Variants in PCDHA9 observed in about 807,000 individuals in gnomAD.
PCDHA9 encodes the protein protocadherin alpha-9.
Under a neutral mutation model 62.0 loss-of-function variants are expected in PCDHA9, and 62 were observed. The ratio of observed to expected loss-of-function variants is 1.00; its 90% CI spans 0.81 to 1.23. PCDHA9 has a LOEUF of 1.23. Among genes scored for constraint, PCDHA9 ranks in the 50% most tolerant of loss-of-function variants. The probability of loss-of-function intolerance (pLI) is 0.00; values close to 1 mark genes in which losing one functional copy is unlikely to be tolerated. For missense variants in PCDHA9, 1,205 were observed against 1,249.8 expected (o/e 0.96, Z 0.54); for synonymous variants, 557 against 567.6 (o/e 0.98, Z 0.27).
intron 1 of PCDHA9, among the ~76,000 whole-genome samples, chr5:140,956,438 G>A (rs891696288): frequency 1.3e-5 from 2 of 152,154 alleles, no homozygotes; most frequent in Non-Finnish European, 2.9e-5. Context: ...TTCTGCTTAT[G>A]TGATGAATTA....
intron 1 of PCDHA9, chr5:140,863,731 A>G (rs1249998987): frequency 1.2e-5 from 3 of 259,294 alleles, no homozygotes; most frequent in Non-Finnish European, 2.3e-5. Context: ...GCGGTAGCTC[A>G]TGCCTATTTG....
At chr5:140,999,138 C>T (rs530740266) in intron 3 of PCDHA9, among the ~76,000 whole-genome samples, 1 of 152,140 alleles carries the variant, frequency 6.6e-6, no homozygotes, top group Non-Finnish European at 1.5e-5. Flanking sequence ...AATGTCACAG[C>T]CGGAAGTCTT....
intron 1 of PCDHA9, among the ~76,000 whole-genome samples, chr5:140,915,441 A>G (rs2077120331): frequency 6.6e-6 from 1 of 152,052 alleles, no homozygotes; most frequent in African/African-American, 2.4e-5. Context: ...GTCCTTCTTG[A>G]GAAGGTTTTC....
At chr5:140,967,792 A>G (rs371669028) in intron 1 of PCDHA9, 4 of 1,614,212 alleles carry the variant, frequency 2.5e-6, no homozygotes, top group Non-Finnish European at 3.4e-6. Context: ...ACCGGGGTCC[A>G]GTGCCCATGG....
chr5:140,980,313 C>G (rs904282752), intron 2 of PCDHA9, among the ~76,000 whole-genome samples: 7 of 152,166 alleles, frequency 4.6e-5, no homozygotes, highest in Admixed American at 3.9e-4. Context: ...GCCTTAAAAA[C>G]TACATTTGAA....
At chr5:140,949,694 G>C (rs1447787366) in intron 1 of PCDHA9, among the ~76,000 whole-genome samples, 1 of 151,590 alleles carries the variant, frequency 6.6e-6, no homozygotes, top group Non-Finnish European at 1.5e-5. Context: ...CGTATTGTTG[G>C]ATCTTGCTGT....
chr5:140,987,040 C>G (rs916995346), intron 3 of PCDHA9, among the ~76,000 whole-genome samples: 1 of 151,880 alleles, frequency 6.6e-6, no homozygotes, highest in Non-Finnish European at 1.5e-5. Flanking sequence ...ATGGCGAAAC[C>G]CCATCTCTAC....
intron 1 of PCDHA9, chr5:140,968,040 G>A: frequency 1.2e-6 from 2 of 1,614,162 alleles, no homozygotes; most frequent in African/African-American, 1.3e-5. Context: ...GTGGTGAGCG[G>A]CCCACTGGAC....
intron 1 of PCDHA9, among the ~76,000 whole-genome samples, chr5:140,899,512 G>C (rs4386771): frequency 0.046 from 7,065 of 152,150 alleles, 285 homozygotes; most frequent in African/African-American, 0.11. Flanking sequence ...TGCATATATT[G>C]CATCCCAGGG....
At chr5:140,909,972 T>C (rs948733470) in intron 1 of PCDHA9, among the ~76,000 whole-genome samples, 1 of 152,220 alleles carries the variant, frequency 6.6e-6, no homozygotes. Context: ...TGGGGAAGGA[T>C]GGGAGAAAGA....
chr5:140,946,631 T>TATATATATATATAC (rs57893927), intron 1 of PCDHA9, among the ~76,000 whole-genome samples: 2,707 of 131,678 alleles, frequency 0.021, 122 homozygotes, highest in African/African-American at 0.036. Flanking sequence ...TATATATATA[T>TATATATATATATAC]ACAATGGAAT....
At chr5:140,885,157 C>G (rs2060491561) in intron 1 of PCDHA9, among the ~76,000 whole-genome samples, 1 of 151,962 alleles carries the variant, frequency 6.6e-6, no homozygotes, top group African/African-American at 2.4e-5. Context: ...TTGATTGTCT[C>G]TACTTTTTTG....
chr5:140,934,511 T>G (rs999288213), intron 1 of PCDHA9, among the ~76,000 whole-genome samples: 1 of 152,210 alleles, frequency 6.6e-6, no homozygotes. Context: ...AAAGGGTCCA[T>G]AGACCACACT....
chr5:140,879,097 G>T (rs2057851255), intron 1 of PCDHA9, among the ~76,000 whole-genome samples: 1 of 152,214 alleles, frequency 6.6e-6, no homozygotes, highest in Non-Finnish European at 1.5e-5. Flanking sequence ...CAACTGCACA[G>T]TATATGGTGT....
At position 140,853,718 on chromosome 5, in the gene PCDHA9, C is replaced by T. The variant is rs1472931739; in HGVS notation, c.2394+2829C>T. ...TGCTAACGCATTAGCATTAGCAGCA[C>T]CTAAGTCCTCATTGAATGTTCTGGT... is the stretch of plus-strand genomic sequence containing the variant. On this transcript the variant is annotated intron_variant, in intron 1 of 3. Transcript: ENST00000532602. 3 of 988,280 alleles carry T rather than the reference C, an allele frequency of 3.0e-6. No homozygotes were observed. The African/African-American group carries it at 5.3e-5, about 17-fold the overall frequency. 61.2% of individuals were successfully genotyped at this position (988,280 alleles called of 1,614,324 possible).
chr5:140,917,331 G>T (rs1256665914), intron 1 of PCDHA9, among the ~76,000 whole-genome samples: 12 of 137,574 alleles, frequency 8.7e-5, no homozygotes, highest in African/African-American at 3.0e-4. Context: ...TGGCGGGGGA[G>T]GGGGGGGATG....
intron 1 of PCDHA9, among the ~76,000 whole-genome samples, chr5:140,891,939 C>G (rs1475126639): frequency 3.3e-5 from 5 of 152,212 alleles, no homozygotes; most frequent in African/African-American, 1.2e-4. Flanking sequence ...TGGACTTCCC[C>G]TAGGCTCCAG....
At chr5:140,884,166 C>G (rs1554181300) in intron 1 of PCDHA9, 2 of 1,613,430 alleles carry the variant, frequency 1.2e-6, no homozygotes, top group Non-Finnish European at 8.5e-7. Flanking sequence ...GAGATCAGCA[C>G]GACGCGCCCT....
chr5:140,924,229 T>A (rs543275737), intron 1 of PCDHA9, among the ~76,000 whole-genome samples: 4 of 152,376 alleles, frequency 2.6e-5, no homozygotes, highest in African/African-American at 9.6e-5. Flanking sequence ...TCAATTTTTA[T>A]GGGCTGTTTT....
Sources: gnomAD v4.1 joint callset for allele counts (sites outside exome capture counted in the v4.1 genomes callset) on GRCh38, gnomAD v4.1.1 for gene constraint, MANE v1.5 for transcripts, NCBI Gene and HGNC (gene_info 2026-07-23, HGNC 2026-07-21) for gene names.